The following RASGRF2 variants were observed in gnomAD, a reference collection of about 807,000 sequenced individuals.
RASGRF2 encodes ras-specific guanine nucleotide-releasing factor 2.
RASGRF2 carries 76 observed loss-of-function variants against 151.0 expected under a neutral mutation model. The ratio of observed to expected loss-of-function variants is 0.50; its 90% CI spans 0.42 to 0.61. The LOEUF (loss-of-function observed/expected upper bound fraction) is 0.61, where lower values mean the gene tolerates loss of function less well. RASGRF2 is among the 20% of genes least tolerant of loss of function. The pLI is 0.00. For synonymous variants in RASGRF2, 504 were observed against 566.5 expected (o/e 0.89, Z 1.57); for missense variants, 1,148 against 1,564.6 (o/e 0.73, Z 4.49).
At chr5:81,036,105 A>G (rs1367291560) in intron 1 of RASGRF2, among the ~76,000 whole-genome samples, 3 of 152,192 alleles carry the variant, frequency 2.0e-5, no homozygotes, top group African/African-American at 7.2e-5. Flanking sequence ...TAAAGAAAAT[A>G]ATTTGAAAAC....
chr5:81,019,240 G>C (rs79144976), intron 1 of RASGRF2, among the ~76,000 whole-genome samples: 199 of 151,008 alleles, frequency 1.3e-3, no homozygotes, highest in African/African-American at 4.7e-3. Context: ...CTGGGGAGTA[G>C]GAAGGCTGGA....
At chr5:81,124,962 A>C (rs910871875) in intron 16 of RASGRF2, among the ~76,000 whole-genome samples, 1 of 151,984 alleles carries the variant, frequency 6.6e-6, no homozygotes, top group South Asian at 2.1e-4. Flanking sequence ...ATCTCGGCTC[A>C]GTGCAACCTC....
intron 1 of RASGRF2, among the ~76,000 whole-genome samples, chr5:81,037,583 T>C (rs1750541935): frequency 6.6e-6 from 1 of 152,186 alleles, no homozygotes; most frequent in African/African-American, 2.4e-5. Flanking sequence ...GATACAAATA[T>C]AAAGAAAGTT....
intron 1 of RASGRF2, among the ~76,000 whole-genome samples, chr5:80,982,685 C>T (rs1266885432): frequency 4.0e-5 from 6 of 151,514 alleles, no homozygotes; most frequent in Admixed American, 3.3e-4. Flanking sequence ...ACTGCAAGCT[C>T]TGCCTCCCGG....
chr5:80,996,137 C>T (rs1748851952), intron 1 of RASGRF2, among the ~76,000 whole-genome samples: 1 of 151,968 alleles, frequency 6.6e-6, no homozygotes, highest in African/African-American at 2.4e-5. Context: ...CTTTTGCTTA[C>T]CTTTGAACCT....
intron 1 of RASGRF2, among the ~76,000 whole-genome samples, chr5:81,021,266 T>C (rs1031798679): frequency 2.0e-5 from 3 of 152,206 alleles, no homozygotes; most frequent in Admixed American, 1.3e-4. Flanking sequence ...GCTGCCTTGT[T>C]TGGGATGGAA....
chr5:81,172,871 GATT>G (rs1561244174), intron 17 of RASGRF2, among the ~76,000 whole-genome samples: 1 of 152,084 alleles, frequency 6.6e-6, no homozygotes, highest in Non-Finnish European at 1.5e-5. Context: ...TGTGTGGTGA[GATT>G]ATAAAACTAG....
chr5:80,994,578 A>T (rs1748772423), intron 1 of RASGRF2, among the ~76,000 whole-genome samples: 1 of 152,122 alleles, frequency 6.6e-6, no homozygotes, highest in Non-Finnish European at 1.5e-5. Flanking sequence ...AGTGTTGGAG[A>T]AAGATCCCCA....
intron 13 of RASGRF2, among the ~76,000 whole-genome samples, chr5:81,109,397 C>T (rs1752935700): frequency 6.6e-6 from 1 of 152,238 alleles, no homozygotes; most frequent in Non-Finnish European, 1.5e-5. Flanking sequence ...TGGCTCACGC[C>T]TGTAATCCCA....
At chr5:81,201,293 A>T (rs1201207951) in intron 18 of RASGRF2, 37 bp from the exon 19 acceptor site, 1 of 1,594,832 alleles carries the variant, frequency 6.3e-7, no homozygotes, top group East Asian at 2.2e-5. Flanking sequence ...TAACCCTTTC[A>T]AAGCTAAAAT....
intron 17 of RASGRF2, among the ~76,000 whole-genome samples, chr5:81,159,079 A>G (rs747773493): frequency 1.1e-4 from 16 of 152,256 alleles, no homozygotes; most frequent in Non-Finnish European, 2.1e-4. Context: ...CAAATGTGAT[A>G]TATTAATACA....
chr5:80,985,220 TAAC>T (rs1295859906), intron 1 of RASGRF2, among the ~76,000 whole-genome samples: 2 of 151,972 alleles, frequency 1.3e-5, no homozygotes, highest in African/African-American at 2.4e-5. Flanking sequence ...TCAAAAACAA[TAAC>T]AACAACAAAA....
chr5:80,981,560 A>C (rs1028205132), intron 1 of RASGRF2, among the ~76,000 whole-genome samples: 43 of 151,934 alleles, frequency 2.8e-4, no homozygotes, highest in African/African-American at 1.0e-3. Flanking sequence ...TGTTTGTAGC[A>C]GTGCTCTAGA....
chr5:81,169,431 T>G (rs889340940), intron 17 of RASGRF2, among the ~76,000 whole-genome samples: 16 of 152,218 alleles, frequency 1.1e-4, no homozygotes, highest in African/African-American at 3.9e-4. Flanking sequence ...GAATCCTGCC[T>G]TGCCTCCTCC....
intron 17 of RASGRF2, among the ~76,000 whole-genome samples, chr5:81,171,393 G>A (rs1160850311): frequency 1.3e-5 from 2 of 152,210 alleles, no homozygotes; most frequent in Admixed American, 6.5e-5. Flanking sequence ...TCAGGCTGGA[G>A]TGCGACATCT....
intron 1 of RASGRF2, chr5:80,997,476 T>C (rs1748921715): frequency 6.6e-6 from 1 of 152,400 alleles, no homozygotes; most frequent in Admixed American, 6.5e-5. Flanking sequence ...CAAAGTGTGA[T>C]CTTAATGAAG....
At chr5:80,977,419 G>A (rs960549560) in intron 1 of RASGRF2, among the ~76,000 whole-genome samples, 5 of 151,956 alleles carry the variant, frequency 3.3e-5, no homozygotes, top group Non-Finnish European at 7.4e-5. Context: ...TATGTGAAAG[G>A]TGTTTGTAAA....
At chr5:81,064,842 G>A (rs942244824) in intron 2 of RASGRF2, among the ~76,000 whole-genome samples, 19 of 152,150 alleles carry the variant, frequency 1.2e-4, no homozygotes, top group Non-Finnish European at 2.6e-4. Context: ...TGACGTCCTT[G>A]ATTAGGTTAT....
rs116307965 is a variant in RASGRF2 at position 81,010,471 on chromosome 5, A to G, written c.289-32406A>G. ...ATGAGAAGAGTGTGGTGTGAGCTCA[A>G]TGAAAAACGCATTACTCTGGAGAGT... On this transcript the variant is annotated intron_variant, in intron 1 of 26. Transcript: ENST00000265080. Among the ~76,000 whole-genome samples the G allele has an allele frequency of 1.3e-3, 198 of 152,332 alleles. 1 individual carries two copies. Among genetic ancestry groups the G allele is most frequent in the African/African-American group, 4.6e-3 (190 of 41,582 alleles).
Sources: gnomAD v4.1 joint callset for allele counts (sites outside exome capture counted in the v4.1 genomes callset) on GRCh38, gnomAD v4.1.1 for gene constraint, MANE v1.5 for transcripts, NCBI Gene and HGNC (gene_info 2026-07-23, HGNC 2026-07-21) for gene names.